SORCS2: variants seen among roughly 807,000 people sequenced by gnomAD.
The protein encoded by SORCS2 is VPS10 domain-containing receptor SorCS2.
A neutral mutation model predicts 141.6 loss-of-function variants in SORCS2; 100 were observed. The ratio of observed to expected loss-of-function variants is 0.71; its 90% CI spans 0.60 to 0.83. The LOEUF (loss-of-function observed/expected upper bound fraction) is 0.83, where lower values mean the gene tolerates loss of function less well. Among genes scored for constraint, SORCS2 ranks in the 40% least tolerant of loss-of-function variants. The pLI, the probability that SORCS2 is intolerant of heterozygous loss-of-function variation, is 0.00. For missense variants in SORCS2, 1,646 were observed against 1,560.2 expected (o/e 1.05, Z -0.93); for synonymous variants, 789 against 676.9 (o/e 1.17, Z -2.57).
intron 1 of SORCS2, among the ~76,000 whole-genome samples, chr4:7,357,678 T>C (rs1476934223): frequency 6.6e-6 from 1 of 152,172 alleles, no homozygotes; most frequent in Non-Finnish European, 1.5e-5. Context: ...AGAAGTCAAA[T>C]ACCTTTCTTG....
rs149318007 is a variant in SORCS2, at chr4:7,471,801, G to A, written c.549-59729G>A. Among the ~76,000 whole-genome samples the A allele has an allele frequency of 2.1e-3, 317 of 152,354 alleles. 3 individuals are homozygous for A. Among genetic ancestry groups the A allele is most frequent in the African/African-American group, 7.2e-3 (299 of 41,588 alleles). On this transcript the variant is annotated intron_variant, in intron 2 of 26. Coordinates refer to ENST00000507866, the MANE Select transcript of SORCS2 (RefSeq NM_020777.3). The stretch of plus-strand genomic sequence containing the variant: ...CACCTGCTTTGGAGGTGATGTCTGC[G>A]GAATGCAACCTTCAGGACGCCCAGG...
At chr4:7,242,314 C>T (rs1712756552) in intron 1 of SORCS2, among the ~76,000 whole-genome samples, 1 of 152,122 alleles carries the variant, frequency 6.6e-6, no homozygotes, top group African/African-American at 2.4e-5. Context: ...TCCAACTCAG[C>T]CTCCTGAGTA....
chr4:7,568,858 G>A (rs1340712052), intron 3 of SORCS2, among the ~76,000 whole-genome samples: 1 of 152,178 alleles, frequency 6.6e-6, no homozygotes, highest in African/African-American at 2.4e-5. Flanking sequence ...CTTCCCGTAG[G>A]GGTCAGAGAT....
At chr4:7,319,542 A>G (rs1367741724) in intron 1 of SORCS2, among the ~76,000 whole-genome samples, 3 of 152,066 alleles carry the variant, frequency 2.0e-5, no homozygotes, top group Admixed American at 6.6e-5. Flanking sequence ...CTATCTCTAC[A>G]TTAAAAAAAG....
chr4:7,607,212 GT>G (rs972702486), intron 3 of SORCS2, among the ~76,000 whole-genome samples: 4 of 152,148 alleles, frequency 2.6e-5, no homozygotes, highest in Non-Finnish European at 5.9e-5. Flanking sequence ...TCTTTCTTGT[GT>G]TATCATTTGT....
intron 3 of SORCS2, among the ~76,000 whole-genome samples, chr4:7,612,691 G>A (rs1265701621): frequency 6.6e-6 from 1 of 152,232 alleles, no homozygotes; most frequent in East Asian, 1.9e-4. Context: ...CTGCTGGAAG[G>A]GATCAATGTC....
intron 2 of SORCS2, among the ~76,000 whole-genome samples, chr4:7,424,894 C>T (rs1249307367): frequency 3.3e-5 from 5 of 152,232 alleles, no homozygotes; most frequent in Non-Finnish European, 7.3e-5. Context: ...CAGTGCCCGG[C>T]ACCACCTCCC....
intron 1 of SORCS2, among the ~76,000 whole-genome samples, chr4:7,207,568 C>G (rs547420030): frequency 6.6e-6 from 1 of 152,316 alleles, no homozygotes; most frequent in East Asian, 1.9e-4. Flanking sequence ...CTGGGGCTGG[C>G]AGGATCCCTC....
At chr4:7,404,798 G>A (rs1390812732) in intron 2 of SORCS2, among the ~76,000 whole-genome samples, 1 of 152,120 alleles carries the variant, frequency 6.6e-6, no homozygotes, top group Non-Finnish European at 1.5e-5. Flanking sequence ...CTCCCGTTGT[G>A]TAGGTTGTCT....
chr4:7,408,836 G>A (rs907886376), intron 2 of SORCS2, among the ~76,000 whole-genome samples: 1 of 151,710 alleles, frequency 6.6e-6, no homozygotes, highest in African/African-American at 2.4e-5. Flanking sequence ...TTTTCAAATA[G>A]CCTGTCTTTA....
chr4:7,550,413 C>T lies in SORCS2; in HGVS notation c.648+18784C>T, dbSNP rs572165040. Among the ~76,000 whole-genome samples the T allele has an allele frequency of 1.1e-3, 175 of 152,336 alleles. 1 individual carries two copies. Among genetic ancestry groups the T allele is most frequent in the Non-Finnish European group, 2.3e-3 (156 of 68,030 alleles). On this transcript the variant is annotated intron_variant, in intron 3 of 26. Coordinates refer to ENST00000507866, the MANE Select transcript of SORCS2 (RefSeq NM_020777.3). Reference sequence around the variant, plus strand: ...AAAGGAAATGGAGCCTCCTGGGACTCCAAGGTGCTCTGGCACCACTGCTTT... The same window carrying T: ...AAAGGAAATGGAGCCTCCTGGGACTTCAAGGTGCTCTGGCACCACTGCTTT...
intron 1 of SORCS2, among the ~76,000 whole-genome samples, chr4:7,216,957 C>T (rs13121510): frequency 6.8e-4 from 57 of 84,108 alleles, no homozygotes; most frequent in East Asian, 1.8e-3. Context: ...TGGCGGTTCC[C>T]GTGGCTCTTC....
chr4:7,305,756 G>A (rs1717775588), intron 1 of SORCS2, among the ~76,000 whole-genome samples: 1 of 152,206 alleles, frequency 6.6e-6, no homozygotes, highest in Admixed American at 6.5e-5. Flanking sequence ...GGAAGGGAGG[G>A]GTATGCAGAA....
chr4:7,516,764 C>T (rs1733009954), intron 2 of SORCS2, among the ~76,000 whole-genome samples: 2 of 152,214 alleles, frequency 1.3e-5, no homozygotes, highest in African/African-American at 2.4e-5. Flanking sequence ...GCCTCCCCTT[C>T]TCGGCATGGT....
chr4:7,466,546 G>A (rs1206419057), intron 2 of SORCS2, among the ~76,000 whole-genome samples: 2 of 152,156 alleles, frequency 1.3e-5, no homozygotes, highest in African/African-American at 4.8e-5. Context: ...CTGGCCTCAC[G>A]TCCATACCCC....
chr4:7,215,800 T>C (rs1728309972), intron 1 of SORCS2, among the ~76,000 whole-genome samples: 2 of 152,156 alleles, frequency 1.3e-5, no homozygotes, highest in Admixed American at 1.3e-4. Flanking sequence ...ACTGTGTATC[T>C]AACTAATCTG....
chr4:7,461,063 G>C (rs1473205989), intron 2 of SORCS2, among the ~76,000 whole-genome samples: 3 of 152,148 alleles, frequency 2.0e-5, no homozygotes, highest in African/African-American at 7.2e-5. Context: ...CTTGCTGGAA[G>C]CTTCTTCAAG....
At chr4:7,433,060 G>T (rs533605750) in intron 2 of SORCS2, 21 of 335,922 alleles carry the variant, frequency 6.3e-5, no homozygotes, top group African/African-American at 4.2e-4. Context: ...TGAGAGGGCA[G>T]CCTTGGCTGG....
chr4:7,566,502 G>T (rs1240202042), intron 3 of SORCS2, among the ~76,000 whole-genome samples: 1 of 152,190 alleles, frequency 6.6e-6, no homozygotes, highest in African/African-American at 2.4e-5. Flanking sequence ...TACAGATGAG[G>T]AAACTGACTA....
Sources: gnomAD v4.1 joint callset for allele counts (sites outside exome capture counted in the v4.1 genomes callset) on GRCh38, gnomAD v4.1.1 for gene constraint, MANE v1.5 for transcripts, NCBI Gene and HGNC (gene_info 2026-07-23, HGNC 2026-07-21) for gene names.